Variants in CAPZA1 observed in about 807,000 individuals in gnomAD.
CAPZA1 encodes the protein capping actin protein of muscle Z-line subunit alpha 1.
In CAPZA1, 10 loss-of-function variants were observed where a neutral mutation model predicts 40.8. The ratio of observed to expected loss-of-function variants is 0.25; its 90% CI spans 0.15 to 0.42. CAPZA1 has a LOEUF of 0.42. CAPZA1 is among the 10% of genes least tolerant of loss of function. The pLI is 1.00. For synonymous variants in CAPZA1, 98 were observed against 115.0 expected, an observed-to-expected ratio of 0.85 and a Z score of 0.95; for missense variants, 277 against 353.8, an observed-to-expected ratio of 0.78 and a Z score of 1.74.
intron 2 of CAPZA1, among the ~76,000 whole-genome samples, chr1:112,648,792 G>A (rs546846985): frequency 4.6e-5 from 7 of 152,070 alleles, no homozygotes; most frequent in African/African-American, 1.7e-4. Flanking sequence ...GTGAAACCCC[G>A]TCTCTACTAA....
intron 1 of CAPZA1, among the ~76,000 whole-genome samples, chr1:112,642,540 T>C (rs1471441564): frequency 6.6e-6 from 1 of 152,092 alleles, no homozygotes; most frequent in Non-Finnish European, 1.5e-5. Flanking sequence ...AATGTAGGTA[T>C]ACAGAGTTGA....
Position 112,653,586 on chromosome 1 carries a change from A to T in CAPZA1, c.156-12A>T, listed in dbSNP as rs542897447. ...TTTTTTTTTTTTTTAAAAAACTTTT[A>T]AAAAAAAACAGTGCATTTGCCCAGT... On this transcript the variant is annotated splice_polypyrimidine_tract_variant and intron_variant, in intron 3 of 9. Transcript: ENST00000263168. 254 of 1,463,570 alleles carry T rather than the reference A, an allele frequency of 1.7e-4. 3 individuals are homozygous for T. In the East Asian group the frequency reaches 2.8e-3, roughly 16 times the overall value. The allele number at this position is 1,463,570 out of a possible 1,614,324, so 90.7% of individuals were successfully genotyped here. A position where few individuals can be genotyped will look rare whatever the true frequency, so the allele number is the denominator to read the frequency against.
chr1:112,627,831 A>G (rs1374879448), intron 1 of CAPZA1, among the ~76,000 whole-genome samples: 3 of 151,772 alleles, frequency 2.0e-5, no homozygotes, highest in Non-Finnish European at 4.4e-5. Context: ...GTGATGGCGC[A>G]TGCCTGTAAT....
intron 7 of CAPZA1, among the ~76,000 whole-genome samples, chr1:112,662,177 A>G (rs973764101): frequency 1.5e-4 from 23 of 151,854 alleles, no homozygotes; most frequent in African/African-American, 5.6e-4. Context: ...TGGTGCTTTC[A>G]TAGCTCACTG....
At chr1:112,640,115 A>C (rs1671115996) in intron 1 of CAPZA1, among the ~76,000 whole-genome samples, 1 of 118,008 alleles carries the variant, frequency 8.5e-6, no homozygotes, top group Non-Finnish European at 1.8e-5. Flanking sequence ...CTGCCCAGCC[A>C]GCCGCCCCGT....
chr1:112,632,243 G>A (rs1357270442), intron 1 of CAPZA1, among the ~76,000 whole-genome samples: 1 of 152,160 alleles, frequency 6.6e-6, no homozygotes, highest in Non-Finnish European at 1.5e-5. Flanking sequence ...GGGAGGTGGA[G>A]GTTGCAGTGC....
intron 1 of CAPZA1, among the ~76,000 whole-genome samples, chr1:112,638,938 G>GC (rs1557729650): frequency 6.4e-5 from 5 of 78,024 alleles, no homozygotes; most frequent in African/African-American, 3.6e-4. Flanking sequence ...ATAGATATAG[G>GC]TATAGATATA....
chr1:112,642,768 G>A (rs1671198708), intron 1 of CAPZA1, among the ~76,000 whole-genome samples: 1 of 152,054 alleles, frequency 6.6e-6, no homozygotes. Flanking sequence ...TCTTTCATTT[G>A]TACCAATTCC....
chr1:112,651,771 T>C (rs1570717634), intron 3 of CAPZA1, among the ~76,000 whole-genome samples: 1 of 152,194 alleles, frequency 6.6e-6, no homozygotes, highest in Non-Finnish European at 1.5e-5. Context: ...CTAATGTGTT[T>C]GGGATTAATT....
At chr1:112,620,116 C>T (rs988128764) in intron 1 of CAPZA1, 1 of 453,712 alleles carries the variant, frequency 2.2e-6, no homozygotes, top group African/African-American at 2.0e-5. Flanking sequence ...AGGCACAGCC[C>T]AGGGGCCTCC....
chr1:112,658,014 A>G (rs1329802547), intron 5 of CAPZA1, among the ~76,000 whole-genome samples: 2 of 152,226 alleles, frequency 1.3e-5, no homozygotes, highest in Non-Finnish European at 2.9e-5. Context: ...GGTGTCACAA[A>G]AACAGTGGGT....
intron 5 of CAPZA1, among the ~76,000 whole-genome samples, chr1:112,655,620 G>A (rs1671483865): frequency 6.6e-6 from 1 of 151,872 alleles, no homozygotes; most frequent in Non-Finnish European, 1.5e-5. Flanking sequence ...TAGAATGCAG[G>A]GGCACCGTGT....
At chr1:112,661,778 C>G (rs1261775246) in intron 7 of CAPZA1, among the ~76,000 whole-genome samples, 1 of 152,196 alleles carries the variant, frequency 6.6e-6, no homozygotes, top group African/African-American at 2.4e-5. Context: ...GCACACATCA[C>G]AAAGGGTGAT....
chr1:112,639,913 T>TAG (rs1671104242), intron 1 of CAPZA1, among the ~76,000 whole-genome samples: 1 of 65,080 alleles, frequency 1.5e-5, no homozygotes, highest in Non-Finnish European at 3.1e-5. Flanking sequence ...GGGAGGGAGG[T>TAG]GGGGGGGTCA....
intron 8 of CAPZA1, among the ~76,000 whole-genome samples, chr1:112,668,023 CACCTGTAA>C (rs1671758302): frequency 6.6e-6 from 1 of 152,052 alleles, no homozygotes; most frequent in Non-Finnish European, 1.5e-5. Flanking sequence ...TGGTGGCTCA[CACCTGTAA>C]TCCCAGCACT....
At chr1:112,651,888 G>C (rs1262974788) in intron 3 of CAPZA1, among the ~76,000 whole-genome samples, 1 of 151,922 alleles carries the variant, frequency 6.6e-6, no homozygotes, top group Non-Finnish European at 1.5e-5. Flanking sequence ...GGCCAAAGTG[G>C]GTGGATCACC....
At chr1:112,624,054 G>A (rs1365413396) in intron 1 of CAPZA1, among the ~76,000 whole-genome samples, 2 of 151,018 alleles carry the variant, frequency 1.3e-5, no homozygotes, top group African/African-American at 4.9e-5. Context: ...CCTAGGACAG[G>A]AGCATAAAGC....
intron 5 of CAPZA1, among the ~76,000 whole-genome samples, chr1:112,656,751 C>G (rs1424262328): frequency 1.3e-5 from 2 of 151,922 alleles, no homozygotes; most frequent in Non-Finnish European, 2.9e-5. Flanking sequence ...TATCCTATGT[C>G]TTATGTCTTC....
At chr1:112,664,158 G>A (rs944393324) in intron 7 of CAPZA1, among the ~76,000 whole-genome samples, 8 of 151,094 alleles carry the variant, frequency 5.3e-5, no homozygotes, top group Non-Finnish European at 5.9e-5. Context: ...CTTGAACCCA[G>A]GAGGCAGAGG....
Sources: allele counts gnomAD v4.1 joint callset (sites outside exome capture counted in the v4.1 genomes callset), GRCh38; gene constraint gnomAD v4.1.1; transcripts MANE v1.5; gene names NCBI Gene and HGNC (gene_info 2026-07-23, HGNC 2026-07-21).